Variants in HTN3 observed in about 807,000 individuals in gnomAD.
HTN3 encodes the protein histatin 3.
HTN3 carries 15 observed loss-of-function variants against 10.6 expected under a neutral mutation model. That is an observed-to-expected ratio of 1.42 (90% confidence interval 0.95 to 2.18). HTN3 has a LOEUF of 2.18. Among genes scored for constraint, HTN3 ranks in the 30% most tolerant of loss-of-function variants. HTN3 has a pLI of 0.00. For missense variants in HTN3, 68 were observed against 58.0 expected (o/e 1.17, Z -0.56); for synonymous variants, 15 against 16.9 (o/e 0.89, Z 0.27).
intron 2 of HTN3, 177 bp downstream of exon 2, chr4:70,030,968 T>C (rs2109707188): frequency 1.8e-6 from 1 of 543,230 alleles, no homozygotes; most frequent in Non-Finnish European, 3.2e-6. Context: ...GAATAAATAT[T>C]CATTACATAC....
At position 70,028,536 on chromosome 4, in the gene HTN3, T is replaced by G. The variant is rs1376841679; in HGVS notation, c.-14+20T>G. 3.9e-5 allele frequency: 6 copies of G among 152,294 alleles called. No individual in the cohort carries two copies. The East Asian group carries it at 1.2e-3, about 29-fold the overall frequency. 9.4% of individuals were successfully genotyped at this position (152,294 alleles called of 1,614,324 possible). ...TAAAAGGTAACATGTTCAAGTACAA[T>G]CTAATATTATATATTAGCATAAGCT... On this transcript the variant is annotated intron_variant, in intron 1 of 5. Coordinates refer to ENST00000673563, the MANE Select transcript of HTN3 (RefSeq NM_000200.3).
At chr4:70,031,934 T>A in intron 2 of HTN3, 45 bp from the exon 3 acceptor site, 1 of 1,318,884 alleles carries the variant, frequency 7.6e-7, no homozygotes, top group Non-Finnish European at 1.1e-6. Flanking sequence ...TCTTGAATTA[T>A]GAAATTAAGA....
intron 5 of HTN3, among the ~76,000 whole-genome samples, chr4:70,035,020 C>T (rs1275360255): frequency 6.6e-6 from 1 of 152,034 alleles, no homozygotes; most frequent in African/African-American, 2.4e-5. Context: ...GGGAGGGGAA[C>T]AACACACACC....
intron 2 of HTN3, 71 bp from the exon 3 acceptor site, chr4:70,031,908 C>A: frequency 9.1e-7 from 1 of 1,104,204 alleles, no homozygotes; most frequent in Non-Finnish European, 1.4e-6. Flanking sequence ...GTGGCTAAGT[C>A]AATTTTTACA....
At chr4:70,029,916 A>G (rs1170811099) in intron 1 of HTN3, among the ~76,000 whole-genome samples, 1 of 152,138 alleles carries the variant, frequency 6.6e-6, no homozygotes, top group East Asian at 1.9e-4. Flanking sequence ...TCAAGGTTGC[A>G]CCATCTGTGC....
At position 70,032,106 on chromosome 4, in the gene HTN3, A is replaced by C. The variant is rs1725396477; in HGVS notation, c.101A>C (p.His34Pro). The C allele has an allele frequency of 6.6e-7, 1 of 1,508,692 alleles. No homozygotes were observed. Among genetic ancestry groups the C allele is most frequent in the Admixed American group, 1.7e-5 (1 of 58,708 alleles). The allele number at this position is 1,508,692 out of a possible 1,614,324, so 93.5% of individuals were successfully genotyped here. Residue 34 changes from histidine to proline, a missense_variant and splice_region_variant, in exon 4 of 6, where the codon CAT (histidine) becomes CCT (proline). Transcript: ENST00000673563. Reference sequence around the variant, plus strand: ...CATCATGGGTATAAAAGAAAATTCCATGTAAGTGTTCTTCTGATAATGTGC... The same window carrying C: ...CATCATGGGTATAAAAGAAAATTCCCTGTAAGTGTTCTTCTGATAATGTGC... ...KRHHGYKRKFHEKHHSHRGYR... is the reference protein window; with the variant it reads ...KRHHGYKRKFPEKHHSHRGYR...
At position 70,028,510 on chromosome 4, in the gene HTN3, G is replaced by A. The variant is rs2109705043; in HGVS notation, c.-20G>A. Reference sequence around the variant, plus strand: ...ACTGACTTCTGGATTCTCCTCTTGAGTAAAAGGTAACATGTTCAAGTACAA... The same window carrying A: ...ACTGACTTCTGGATTCTCCTCTTGAATAAAAGGTAACATGTTCAAGTACAA... On this transcript the variant is annotated 5_prime_UTR_variant, in exon 1 of 6. Coordinates refer to ENST00000673563, the MANE Select transcript of HTN3 (RefSeq NM_000200.3). The A allele has an allele frequency of 6.6e-6, 1 of 152,204 alleles. No homozygotes were observed. The highest frequency in any genetic ancestry group is 1.5e-5 in the Non-Finnish European group (1 of 68,012). 9.4% of individuals were successfully genotyped at this position (152,204 alleles called of 1,614,324 possible). A position where few individuals can be genotyped will look rare whatever the true frequency, so the allele number is the denominator to read the frequency against.
chr4:70,031,290 T>C (rs1465780167), intron 2 of HTN3: 1 of 155,528 alleles, frequency 6.4e-6, no homozygotes, highest in South Asian at 2.0e-4. Context: ...ATCTGTTAAG[T>C]GTCATGAGTT....
intron 5 of HTN3, chr4:70,034,095 A>C (rs1461461382): frequency 6.6e-6 from 1 of 152,144 alleles, no homozygotes; most frequent in Non-Finnish European, 1.5e-5. Context: ...CCAAAACCAA[A>C]AAAAGACCCT....
At chr4:70,036,070 AT>A (rs1334941684) in intron 5 of HTN3, among the ~76,000 whole-genome samples, 196 bp from the exon 6 acceptor site, 1 of 152,140 alleles carries the variant, frequency 6.6e-6, no homozygotes, top group African/African-American at 2.4e-5. Flanking sequence ...CTGAATGATA[AT>A]TTTTATTTAT....
chr4:70,029,555 AT>A (rs1430635587), intron 1 of HTN3, among the ~76,000 whole-genome samples: 4 of 152,092 alleles, frequency 2.6e-5, no homozygotes, highest in Non-Finnish European at 5.9e-5. Flanking sequence ...ATTTTTTAAA[AT>A]ATTATCTATT....
intron 5 of HTN3, 152 bp downstream of exon 5, chr4:70,033,405 A>G (rs964876930): frequency 2.0e-6 from 1 of 512,816 alleles, no homozygotes; most frequent in African/African-American, 2.0e-5. Context: ...ATTTATATAG[A>G]TGCTTCTGAC....
At chr4:70,035,602 T>C (rs1268722281) in intron 5 of HTN3, among the ~76,000 whole-genome samples, 1 of 152,160 alleles carries the variant, frequency 6.6e-6, no homozygotes. Context: ...GAATGACTAA[T>C]AAAATATCAA....
In HTN3 at chr4:70,033,218, T is replaced by A; in HGVS notation, c.154T>A (p.Ter52ArgextTer4). 6.3e-7 allele frequency: 1 copy of A among 1,586,420 alleles called. No homozygotes were observed. Among genetic ancestry groups the A allele is most frequent in the Non-Finnish European group, 8.6e-7 (1 of 1,158,954 alleles). ...GYRSNYLYDN[*>R] ...TAGATCAAATTATCTGTATGACAAT[T>A]GATATCTTCAGTAATCACGGGGCAT... Residue 52 changes from the stop codon to arginine, a stop_lost, in exon 5 of 6, where the codon TGA (stop) becomes AGA (arginine). Transcript: ENST00000673563.
intron 5 of HTN3, chr4:70,034,345 T>A (rs2109710554): frequency 6.6e-6 from 1 of 152,206 alleles, no homozygotes; most frequent in Non-Finnish European, 1.5e-5. Context: ...TACAAGGAAC[T>A]TAAACAAATT....
intron 1 of HTN3, among the ~76,000 whole-genome samples, chr4:70,029,576 C>T (rs1182048467): frequency 6.6e-6 from 1 of 151,970 alleles, no homozygotes; most frequent in African/African-American, 2.4e-5. Context: ...TAATGAATTA[C>T]TTTATAGCTA....
At chr4:70,029,402 T>C (rs1725320768) in intron 1 of HTN3, among the ~76,000 whole-genome samples, 2 of 152,018 alleles carry the variant, frequency 1.3e-5, no homozygotes, top group African/African-American at 2.4e-5. Context: ...GCAAAATGAA[T>C]GAAGAAATAA....
chr4:70,032,800 A>G (rs1725417492), intron 4 of HTN3, among the ~76,000 whole-genome samples: 1 of 152,050 alleles, frequency 6.6e-6, no homozygotes. Flanking sequence ...AACACCACCT[A>G]AGTTGGAAAC....
chr4:70,035,606 A>G (rs546285422), intron 5 of HTN3, among the ~76,000 whole-genome samples: 17 of 152,330 alleles, frequency 1.1e-4, no homozygotes, highest in African/African-American at 4.1e-4. Context: ...GACTAATAAA[A>G]TATCAACAAG....
Sources: allele counts gnomAD v4.1 joint callset (sites outside exome capture counted in the v4.1 genomes callset), GRCh38; gene constraint gnomAD v4.1.1; transcripts MANE v1.5; gene names NCBI Gene and HGNC (gene_info 2026-07-23, HGNC 2026-07-21).